GALNT16: variants seen among roughly 807,000 people sequenced by gnomAD.
GALNT16 encodes the protein UDP-GalNAc:polypeptide N-acetylgalactosaminyltransferase-like protein 1.
A neutral mutation model predicts 76.1 loss-of-function variants in GALNT16; 40 were observed. The observed-to-expected ratio is 0.53, with a 90% CI of 0.41 to 0.68. The LOEUF (loss-of-function observed/expected upper bound fraction) is 0.68, where lower values mean the gene tolerates loss of function less well. Ranked by LOEUF, GALNT16 falls within the 30% of genes least tolerant of loss-of-function variation. GALNT16 has a pLI of 0.00. For synonymous variants in GALNT16, 276 were observed against 285.2 expected (o/e 0.97, Z 0.32); for missense variants, 621 against 731.9 (o/e 0.85, Z 1.75).
rs1442992772 is a variant in GALNT16 at position 69,352,656 on chromosome 14, G to C, written c.*488G>C. The C allele has an allele frequency of 6.5e-6, 1 of 154,628 alleles. No individual in the cohort carries two copies. The highest frequency in any genetic ancestry group is 2.4e-5 in the African/African-American group (1 of 41,476). The allele number at this position is 154,628 out of a possible 1,614,324, so 9.6% of individuals were successfully genotyped here. A position where few individuals can be genotyped will look rare whatever the true frequency, so the allele number is the denominator to read the frequency against. On this transcript the variant is annotated 3_prime_UTR_variant, in exon 15 of 15. Coordinates refer to ENST00000448469, the MANE Select transcript of GALNT16 (RefSeq NM_001168368.2). ...AGAGGGAAGGGGAGAGGGGCAGCCTGCAGGGGTAGCTGAAGAACAGGAAGG... is the reference window on the plus strand; with the variant it reads ...AGAGGGAAGGGGAGAGGGGCAGCCTCCAGGGGTAGCTGAAGAACAGGAAGG...
chr14:69,359,288 T>G (rs1043717138), downstream of GALNT16: 1 of 152,272 alleles, frequency 6.6e-6, no homozygotes, highest in African/African-American at 2.4e-5. Context: ...CTGAATGAAT[T>G]AATTAAAGAT....
At chr14:69,376,944 T>C in the GALNT16 span, among the ~76,000 whole-genome samples, 1 of 152,120 alleles carries the variant, frequency 6.6e-6, no homozygotes, top group Non-Finnish European at 1.5e-5. Context: ...AGCTTCTAAG[T>C]TGGGGTAGCT....
the GALNT16 span, among the ~76,000 whole-genome samples, chr14:69,382,705 G>GGC: frequency 7.3e-5 from 11 of 151,670 alleles, no homozygotes; most frequent in African/African-American, 2.7e-4. Flanking sequence ...TGGGCGTGGT[G>GGC]GCGCGCACCT....
At chr14:69,370,140 G>A in the GALNT16 span, among the ~76,000 whole-genome samples, 1 of 152,172 alleles carries the variant, frequency 6.6e-6, no homozygotes, top group South Asian at 2.1e-4. Context: ...CCCTGGGCGA[G>A]CTCATTAGCA....
At position 69,322,987 on chromosome 14, in the gene GALNT16, CGCACGCGCGCACGCAT is replaced by C. The variant is rs1358704556; in HGVS notation, c.336-1700_336-1685del. Reference sequence around the variant, plus strand: ...GTGTGTGTGTGTGTGTGTGTGCGCGCGCACGCGCGCACGCATGCACACGTGTAGGGAAGCAAAGGAC... The same window carrying C: ...GTGTGTGTGTGTGTGTGTGTGCGCGCGCACACGTGTAGGGAAGCAAAGGAC... On this transcript the variant is annotated intron_variant, in intron 2 of 14. Coordinates refer to ENST00000448469, the MANE Select transcript of GALNT16 (RefSeq NM_001168368.2). Among the ~76,000 whole-genome samples, 21 of 19,642 alleles carry C rather than the reference CGCACGCGCGCACGCAT, an allele frequency of 1.1e-3. 1 individual carries two copies. Among genetic ancestry groups the C allele is most frequent in the African/African-American group, 0.01 (20 of 1,996 alleles). 12.9% of individuals were successfully genotyped at this position (19,642 alleles called of 152,430 possible). A position where few individuals can be genotyped will look rare whatever the true frequency, so the allele number is the denominator to read the frequency against.
At chr14:69,350,211 C>G (rs2045616654) in intron 14 of GALNT16, 1 of 152,198 alleles carries the variant, frequency 6.6e-6, no homozygotes, top group South Asian at 2.1e-4. Context: ...GACTCAGTCT[C>G]AAACAAACAA....
intron 1 of GALNT16, among the ~76,000 whole-genome samples, chr14:69,301,932 T>C (rs1566871693): frequency 6.6e-6 from 1 of 152,140 alleles, no homozygotes; most frequent in Admixed American, 6.5e-5. Context: ...GGGGTTGCAG[T>C]GAGCCGAGAT....
chr14:69,330,899 C>T (rs1147462), intron 6 of GALNT16, among the ~76,000 whole-genome samples: 82,230 of 151,988 alleles, frequency 0.54, 22,327 homozygotes, highest in East Asian at 0.64. Context: ...CGGGGAGTGG[C>T]GAGTCTGACC....
At chr14:69,372,727 G>GC in the GALNT16 span, among the ~76,000 whole-genome samples, 1 of 151,974 alleles carries the variant, frequency 6.6e-6, no homozygotes, top group African/African-American at 2.4e-5. Context: ...GATTCAGAGG[G>GC]CCTGGCTTAA....
At chr14:69,351,855 T>G in intron 14 of GALNT16, 176 bp from the exon 15 acceptor site, 4 of 573,170 alleles carry the variant, frequency 7.0e-6, no homozygotes, top group Non-Finnish European at 1.2e-5. Context: ...GAGGCTGCAG[T>G]GAGCTGTGGT....
At chr14:69,336,119 C>CT (rs1422997713) in intron 9 of GALNT16, among the ~76,000 whole-genome samples, 2 of 151,930 alleles carry the variant, frequency 1.3e-5, no homozygotes, top group South Asian at 2.1e-4. Flanking sequence ...GCACGGCCTC[C>CT]TTTTTTTTCA....
At chr14:69,378,787 A>G in the GALNT16 span, among the ~76,000 whole-genome samples, 1 of 152,186 alleles carries the variant, frequency 6.6e-6, no homozygotes, top group African/African-American at 2.4e-5. Context: ...TCTGCTCTAG[A>G]GTATTTAAAA....
At chr14:69,301,246 T>A (rs1156760326) in intron 1 of GALNT16, among the ~76,000 whole-genome samples, 1 of 152,122 alleles carries the variant, frequency 6.6e-6, no homozygotes, top group Non-Finnish European at 1.5e-5. Flanking sequence ...GAGGAAAGAG[T>A]CCATAGCTTT....
intron 6 of GALNT16, among the ~76,000 whole-genome samples, chr14:69,329,023 A>G (rs1594855477): frequency 1.3e-5 from 2 of 152,354 alleles, no homozygotes; most frequent in South Asian, 2.1e-4. Context: ...GGATGAGGTG[A>G]TAACAACCCG....
chr14:69,323,527 G>A (rs1386128240), intron 2 of GALNT16, among the ~76,000 whole-genome samples: 1 of 152,180 alleles, frequency 6.6e-6, no homozygotes, highest in Non-Finnish European at 1.5e-5. Context: ...AGCACTGGGA[G>A]GGTGCACACT....
intron 1 of GALNT16, among the ~76,000 whole-genome samples, chr14:69,295,614 AGAGACT>A (rs2044749346): frequency 6.6e-6 from 1 of 152,024 alleles, no homozygotes; most frequent in Admixed American, 6.5e-5. Context: ...CAGCTACATG[AGAGACT>A]GAGGCAGAAG....
At chr14:69,328,800 C>T (rs2045318173) in intron 6 of GALNT16, among the ~76,000 whole-genome samples, 1 of 152,222 alleles carries the variant, frequency 6.6e-6, no homozygotes, top group African/African-American at 2.4e-5. Flanking sequence ...GGATGAAAGC[C>T]TGGGTGAGCT....
At chr14:69,356,124 G>C (rs934680816), downstream of GALNT16, 1 of 152,330 alleles carries the variant, frequency 6.6e-6, no homozygotes, top group African/African-American at 2.4e-5. Flanking sequence ...AACCCAGCCA[G>C]CTTCTCTAAT....
At chr14:69,281,541 C>G (rs2044541397) in intron 1 of GALNT16, among the ~76,000 whole-genome samples, 2 of 152,200 alleles carry the variant, frequency 1.3e-5, no homozygotes, top group African/African-American at 4.8e-5. Context: ...CTCTGCTTGT[C>G]TGCCCTCCCC....
Sources: gnomAD v4.1 joint callset for allele counts (sites outside exome capture counted in the v4.1 genomes callset) on GRCh38, gnomAD v4.1.1 for gene constraint, MANE v1.5 for transcripts, NCBI Gene and HGNC (gene_info 2026-07-23, HGNC 2026-07-21) for gene names.